The following NLGN4X variants were observed in gnomAD, a reference collection of about 807,000 sequenced individuals.
NLGN4X encodes the protein neuroligin-4, X-linked.
In NLGN4X, 3 loss-of-function variants were observed where a neutral mutation model predicts 40.3. That is an observed-to-expected ratio of 0.07 (90% CI 0.03 to 0.19). The LOEUF (loss-of-function observed/expected upper bound fraction) is 0.19. NLGN4X is among the 10% of genes least tolerant of loss of function. NLGN4X has a pLI of 1.00. For missense variants in NLGN4X, 382 were observed against 708.3 expected (o/e 0.54, Z 5.23); for synonymous variants, 270 against 306.8 (o/e 0.88, Z 1.25).
At chrX:6,094,214 C>A (rs2038705788) in intron 2 of NLGN4X, among the ~76,000 whole-genome samples, 2 of 111,275 alleles carry the variant, frequency 1.8e-5, no homozygotes, top group Admixed American at 1.9e-4. Flanking sequence ...GCCATAAATA[C>A]TGACATCAGT....
chrX:5,984,749 A>G (rs138282841), intron 3 of NLGN4X, among the ~76,000 whole-genome samples: 7,596 of 112,058 alleles, frequency 0.068, 634 homozygotes, highest in African/African-American at 0.23. Flanking sequence ...TGGCTGAAAG[A>G]AGTAATTGCA....
chrX:6,137,838 T>C (rs1250612769), intron 2 of NLGN4X, among the ~76,000 whole-genome samples: 1 of 112,530 alleles, frequency 8.9e-6, no homozygotes, highest in East Asian at 2.8e-4. Flanking sequence ...TTCTGCATTC[T>C]ATCAAATTAT....
At chrX:5,910,883 A>G (rs191934475) in intron 3 of NLGN4X, among the ~76,000 whole-genome samples, 288 of 111,750 alleles carry the variant, frequency 2.6e-3, no homozygotes, top group Middle Eastern at 9.4e-3. Flanking sequence ...TCTTCTTTAA[A>G]GTTCAGAGGG....
At chrX:6,195,945 G>A (rs1297419816) in intron 1 of NLGN4X, among the ~76,000 whole-genome samples, 5 of 110,479 alleles carry the variant, frequency 4.5e-5, no homozygotes, top group South Asian at 7.9e-4. Context: ...TGGATGCCTC[G>A]AAACCTGGCT....
At chrX:6,128,149 CCT>C (rs1569253814) in intron 2 of NLGN4X, among the ~76,000 whole-genome samples, 2 of 110,894 alleles carry the variant, frequency 1.8e-5, no homozygotes, top group African/African-American at 3.3e-5. Context: ...AGCATTCTCC[CCT>C]GTGTGCCCGT....
intron 2 of NLGN4X, among the ~76,000 whole-genome samples, chrX:6,116,345 T>TCACACGTC (rs1421949322): frequency 4.3e-5 from 4 of 92,501 alleles, no homozygotes; most frequent in African/African-American, 1.6e-4. Flanking sequence ...AACTTTGAAT[T>TCACACGTC]CACACGTCCA....
At chrX:6,111,773 T>C (rs970774077) in intron 2 of NLGN4X, among the ~76,000 whole-genome samples, 1 of 111,068 alleles carries the variant, frequency 9.0e-6, no homozygotes, top group African/African-American at 3.3e-5. Flanking sequence ...TAAATGTCTA[T>C]TGTTTATAAA....
intron 1 of NLGN4X, among the ~76,000 whole-genome samples, chrX:6,174,827 G>A (rs369052192): frequency 1.8e-5 from 2 of 111,120 alleles, no homozygotes; most frequent in East Asian, 5.7e-4. Context: ...AAACTAGCTG[G>A]TGGTCACTAT....
intron 1 of NLGN4X, among the ~76,000 whole-genome samples, chrX:6,195,902 C>A (rs1223379032): frequency 2.7e-5 from 3 of 111,096 alleles, no homozygotes; most frequent in African/African-American, 9.8e-5. Flanking sequence ...GATCCCCCTG[C>A]CTCTCAGCCT....
chrX:6,104,630 T>A (rs978803649), intron 2 of NLGN4X, among the ~76,000 whole-genome samples: 1 of 111,243 alleles, frequency 9.0e-6, no homozygotes, highest in Admixed American at 9.7e-5. Flanking sequence ...GTGCCTTCAG[T>A]ACCTCATCTT....
intron 2 of NLGN4X, among the ~76,000 whole-genome samples, chrX:6,129,713 C>T (rs980767950): frequency 9.1e-6 from 1 of 110,226 alleles, no homozygotes; most frequent in Non-Finnish European, 1.9e-5. Flanking sequence ...CTTCATGGGT[C>T]TCACAACAGG....
chrX:6,036,610 GCACACACA>G (rs55801725), intron 2 of NLGN4X, among the ~76,000 whole-genome samples: 3 of 93,561 alleles, frequency 3.2e-5, no homozygotes, highest in East Asian at 3.4e-4. Context: ...TGTGGCTGGC[GCACACACA>G]CACACACACA....
chrX:5,970,887 T>A, intron 3 of NLGN4X, among the ~76,000 whole-genome samples: 1 of 111,472 alleles, frequency 9.0e-6, no homozygotes, highest in African/African-American at 3.3e-5. Context: ...ACTTTTAAAA[T>A]CTCAGAATGG....
At chrX:5,983,676 A>G (rs780392350) in intron 3 of NLGN4X, among the ~76,000 whole-genome samples, 2 of 112,164 alleles carry the variant, frequency 1.8e-5, no homozygotes, top group South Asian at 7.5e-4. Context: ...AGTGGCCCAC[A>G]CCTGTAATCC....
intron 3 of NLGN4X, among the ~76,000 whole-genome samples, chrX:5,997,213 CTA>C (rs1008860307): frequency 1.1e-4 from 12 of 105,771 alleles, no homozygotes; most frequent in African/African-American, 3.8e-4. Context: ...GTATATATAT[CTA>C]TATATATAAA....
chrX:6,060,735 G>A (rs1455153046), intron 2 of NLGN4X, among the ~76,000 whole-genome samples: 2 of 111,388 alleles, frequency 1.8e-5, no homozygotes, highest in African/African-American at 3.3e-5. Flanking sequence ...TTACCCATGT[G>A]ACAATAATGG....
At chrX:5,898,644 G>A (rs1050032207) in intron 5 of NLGN4X, among the ~76,000 whole-genome samples, 3 of 110,919 alleles carry the variant, frequency 2.7e-5, no homozygotes, top group Non-Finnish European at 3.8e-5. Context: ...GGCACAATGC[G>A]ATCCTTTCTC....
At chrX:6,082,121 G>A (rs1456124742) in intron 2 of NLGN4X, among the ~76,000 whole-genome samples, 1 of 111,469 alleles carries the variant, frequency 9.0e-6, no homozygotes, top group East Asian at 2.8e-4. Flanking sequence ...TTGTCTCAAG[G>A]TTACCCTATG....
At chrX:6,076,353 T>C (rs1266413787) in intron 2 of NLGN4X, among the ~76,000 whole-genome samples, 1 of 111,953 alleles carries the variant, frequency 8.9e-6, no homozygotes, top group African/African-American at 3.2e-5. Flanking sequence ...ATGTTAGTCC[T>C]ATCAAAATCA....
Sources: gnomAD v4.1 joint callset for allele counts (sites outside exome capture counted in the v4.1 genomes callset) on GRCh38, gnomAD v4.1.1 for gene constraint, MANE v1.5 for transcripts, NCBI Gene and HGNC (gene_info 2026-07-23, HGNC 2026-07-21) for gene names.